The following C20orf202 variants were observed in gnomAD, a reference collection of about 807,000 sequenced individuals.
The protein encoded by C20orf202 is chromosome 20 open reading frame 202, also known as uncharacterized protein C20orf202.
Under a neutral mutation model 5.3 loss-of-function variants are expected in C20orf202, and 5 were observed. The ratio of observed to expected loss-of-function variants is 0.94; its 90% CI spans 0.49 to 1.98. C20orf202 has a LOEUF of 1.98. Ranked by LOEUF, C20orf202 falls within the 30% of genes most tolerant of loss-of-function variation. The pLI is 0.01. For synonymous variants in C20orf202, 48 were observed against 50.0 expected (o/e 0.96, Z 0.16); for missense variants, 135 against 123.5 (o/e 1.09, Z -0.44).
Position 1,203,515 on chromosome 20 carries a change from G to A in C20orf202, c.-71G>A, listed in dbSNP as rs1353579070. 8 of 1,546,068 alleles carry A rather than the reference G, an allele frequency of 5.2e-6. No individual in the cohort carries two copies. In the South Asian group the frequency reaches 6.0e-5, roughly 12 times the overall value. On this transcript the variant is annotated 5_prime_UTR_variant, in exon 1 of 2. Transcript: ENST00000400633. ...TGCTGCCAGTCTGAAAGAGTTGGGG[G>A]AATGTACAAGTCAAAGATCCCTCGG...
At chr20:1,204,909 G>A (rs889038372) in intron 1 of C20orf202, among the ~76,000 whole-genome samples, 2 of 152,266 alleles carry the variant, frequency 1.3e-5, no homozygotes, top group Admixed American at 6.5e-5. Context: ...CACCACCTCC[G>A]TGCTGGGAAC....
At chr20:1,205,977 C>G (rs1380569893) in intron 1 of C20orf202, among the ~76,000 whole-genome samples, 2 of 151,804 alleles carry the variant, frequency 1.3e-5, no homozygotes, top group South Asian at 2.1e-4. Flanking sequence ...CAGTTGAACC[C>G]AGGAGCTCGA....
intron 1 of C20orf202, 138 bp downstream of exon 1, chr20:1,203,789 C>T (rs2087120637): frequency 1.1e-6 from 1 of 944,934 alleles, no homozygotes; most frequent in Admixed American, 3.1e-5. Flanking sequence ...CTGGGACCTA[C>T]CACACAATGC....
chr20:1,204,886 C>G lies in C20orf202; in HGVS notation c.66+1235C>G, dbSNP rs142508682. Among the ~76,000 whole-genome samples the G allele has an allele frequency of 3.5e-3, 534 of 152,324 alleles. 2 individuals are homozygous for G. The highest frequency in any genetic ancestry group is 0.01 in the African/African-American group (428 of 41,572). ...TTATGCTCCCTGAAACTGTGGGTGC[C>G]TGGATGCCTCATCACCACCTCCGTG... is the stretch of plus-strand genomic sequence containing the variant. On this transcript the variant is annotated intron_variant, in intron 1 of 1. Transcript: ENST00000400633.
intron 1 of C20orf202, among the ~76,000 whole-genome samples, chr20:1,204,523 T>C (rs2087123815): frequency 6.6e-6 from 1 of 152,210 alleles, no homozygotes; most frequent in Admixed American, 6.5e-5. Flanking sequence ...AAGCCAGGCT[T>C]ATGCCTTTCA....
Position 1,208,584 on chromosome 20 carries a change from G to T in C20orf202, c.*1482G>T, listed in dbSNP as rs1194730382. Among the ~76,000 whole-genome samples, 1 of 152,188 alleles carries T rather than the reference G, an allele frequency of 6.6e-6. No homozygotes were observed. The highest frequency in any genetic ancestry group is 1.5e-5 in the Non-Finnish European group (1 of 68,038). On this transcript the variant is annotated 3_prime_UTR_variant, in exon 2 of 2. Transcript: ENST00000400633. ...CATGGAGTTAGACTACAAGTCTAGA[G>T]GAGAGAAAAGGGGCTTGCTCCTTCT...
At chr20:1,206,339 T>A (rs1215191273) in intron 1 of C20orf202, among the ~76,000 whole-genome samples, 1 of 152,232 alleles carries the variant, frequency 6.6e-6, no homozygotes, top group Non-Finnish European at 1.5e-5. Context: ...TCTAAAATAA[T>A]AACAAATTCA....
rs2087136416 is a variant in C20orf202 at position 1,207,205 on chromosome 20, G to A, written c.*103G>A. On this transcript the variant is annotated 3_prime_UTR_variant, in exon 2 of 2. Transcript: ENST00000400633. ...GTTGGAATGGGAGTCAGAAAGCCAG[G>A]GCTCTGGGTTCATTTCTGCCCTCAT... The A allele has an allele frequency of 4.9e-6, 4 of 824,328 alleles. No homozygotes were observed. Among genetic ancestry groups the A allele is most frequent in the Non-Finnish European group, 7.3e-6 (4 of 548,518 alleles). The allele number at this position is 824,328 out of a possible 1,614,324, so 51.1% of individuals were successfully genotyped here. A position where few individuals can be genotyped will look rare whatever the true frequency, so the allele number is the denominator to read the frequency against.
Position 1,207,068 on chromosome 20 carries a change from G to A in C20orf202, c.266G>A (p.Arg89Gln), listed in dbSNP as rs546383083. ...TCAAGGGGTCTGGCCCAGCTCCTCCGAGGGGAAGACAGCAGACGAAGCTCT... is the reference window on the plus strand; with the variant it reads ...TCAAGGGGTCTGGCCCAGCTCCTCCAAGGGGAAGACAGCAGACGAAGCTCT... ...VCSRGLAQLLRGEDSRRSSLP is the reference protein window; with the variant it reads ...VCSRGLAQLLQGEDSRRSSLP Residue 89 changes from arginine (R) to glutamine (Q), a missense_variant, in exon 2 of 2, where the codon CGA becomes CAA. Physicochemically the swap from Arg to Gln is conservative, Grantham distance 43. Coordinates refer to ENST00000400633, the MANE Select transcript of C20orf202 (RefSeq NM_001394958.1). The A allele has an allele frequency of 1.4e-4, 209 of 1,526,090 alleles. No individual in the cohort carries two copies. The highest frequency in any genetic ancestry group is 1.8e-4 in the Non-Finnish European group (199 of 1,130,330). 94.5% of individuals were successfully genotyped at this position (1,526,090 alleles called of 1,614,324 possible).
At position 1,207,005 on chromosome 20, in the gene C20orf202, G is replaced by A. The variant is rs886526907; in HGVS notation, c.203G>A (p.Arg68Gln). 3.9e-6 allele frequency: 6 copies of A among 1,551,218 alleles called. No individual in the cohort carries two copies. The highest frequency in any genetic ancestry group is 4.4e-6 in the Non-Finnish European group (5 of 1,146,632). The change falls in exon 2 of 2, where the codon CGA becomes CAA. Residue 68 changes from arginine to glutamine, a missense_variant. Coordinates refer to ENST00000400633, the MANE Select transcript of C20orf202 (RefSeq NM_001394958.1). ...GGAGGGACATCCCCCATCAGAGCTC[G>A]AGCGGGCTCCGAAGGCAGGGGCTGC... ...SSGGTSPIRA[R>Q]AGSEGRGCQP... is the part of the protein sequence containing the mutation.
rs1169517764 is a variant in C20orf202 at position 1,203,604 on chromosome 20, C to A, written c.19C>A (p.Pro7Thr). The A allele has an allele frequency of 2.6e-6, 4 of 1,551,416 alleles. No homozygotes were observed. In the East Asian group the frequency reaches 7.3e-5, roughly 28 times the overall value. ...CACTGAGATGAAAATAGCAGAAGAG[C>A]CCAGCCCGAGTCTTGGGCAGACCTT... MKIAEE[P>T]SPSLGQTLEW... The change falls in exon 1 of 2, where the codon CCC becomes ACC. Residue 7 changes from proline (P) to threonine (T), a missense_variant. Pro to Thr is a conservative substitution (Grantham distance 38, BLOSUM62 -1). Coordinates refer to ENST00000400633, the MANE Select transcript of C20orf202 (RefSeq NM_001394958.1).
Position 1,206,995 on chromosome 20 carries a change from A to G in C20orf202, c.193A>G (p.Ile65Val), listed in dbSNP as rs1284293245. 1 of 1,551,568 alleles carries G rather than the reference A, an allele frequency of 6.4e-7. No individual in the cohort carries two copies. Residue 65 changes from isoleucine to valine, a missense_variant, in exon 2 of 2, where the codon ATC becomes GTC. Physicochemically the swap from Ile to Val is conservative, Grantham distance 29. Coordinates refer to ENST00000400633, the MANE Select transcript of C20orf202 (RefSeq NM_001394958.1). ...CAGGTCCAGCGGAGGGACATCCCCCATCAGAGCTCGAGCGGGCTCCGAAGG... is the reference window on the plus strand; with the variant it reads ...CAGGTCCAGCGGAGGGACATCCCCCGTCAGAGCTCGAGCGGGCTCCGAAGG... ...DARSSGGTSP[I>V]RARAGSEGRG... is the part of the protein sequence containing the mutation.
At position 1,206,887 on chromosome 20, in the gene C20orf202, G is replaced by C. The variant is rs1399091734; in HGVS notation, c.85G>C (p.Asp29His). ...CTCCTAGTCTGAGATGCAGATTCAA[G>C]ATCAGAGTCTCCTGCTCACACTGAG... The part of the protein sequence containing the change: ...RKELSEMQIQ[D>H]QSLLLTLRHL... The change falls in exon 2 of 2, where the codon GAT (aspartate) becomes CAT (histidine). Residue 29 changes from aspartate to histidine, a missense_variant. Transcript: ENST00000400633. The C allele has an allele frequency of 6.5e-7, 1 of 1,542,080 alleles. No homozygotes were observed. Among genetic ancestry groups the C allele is most frequent in the Non-Finnish European group, 8.8e-7 (1 of 1,140,042 alleles).
In C20orf202 at chr20:1,207,157, C is replaced by T; in HGVS notation, c.*55C>T. On this transcript the variant is annotated 3_prime_UTR_variant, in exon 2 of 2. Coordinates refer to ENST00000400633, the MANE Select transcript of C20orf202 (RefSeq NM_001394958.1). ...CTCTCCCCATTAGTCTAACCTTTCA[C>T]TGTGATATTTCAGGGGCAGAGTGTT... 2.4e-6 allele frequency: 3 copies of T among 1,227,104 alleles called. No homozygotes were observed. The South Asian group carries it at 5.8e-5, about 24-fold the overall frequency. 76.0% of individuals were successfully genotyped at this position (1,227,104 alleles called of 1,614,324 possible).
rs1041559359 is a variant in C20orf202 at position 1,208,627 on chromosome 20, C to T, written c.*1525C>T. On this transcript the variant is annotated 3_prime_UTR_variant, in exon 2 of 2. Transcript: ENST00000400633. ...CTCCTTCTTCTTGTTTCCCTGTGGG[C>T]TTCCTGTTCCTATGAGCATCTCCCA... Among the ~76,000 whole-genome samples the T allele has an allele frequency of 2.6e-5, 4 of 152,192 alleles. No individual in the cohort carries two copies. The highest frequency in any genetic ancestry group is 2.6e-4 in the Admixed American group (4 of 15,272).
chr20:1,206,333 AAAT>A (rs1273216305), intron 1 of C20orf202, among the ~76,000 whole-genome samples: 3 of 152,358 alleles, frequency 2.0e-5, no homozygotes, highest in South Asian at 2.1e-4. Flanking sequence ...ATGCATTCTA[AAAT>A]AATAACAAAT....
rs79380554 is a variant in C20orf202, at chr20:1,206,942, G to T, written c.140G>T (p.Arg47Leu). ...RHLHSVLEEL[R>L]ADSAHWEDAR... ...CTTCACAGTGTCCTGGAGGAGCTGC[G>T]TGCGGACAGCGCCCACTGGGAGGAC... The change falls in exon 2 of 2, where the codon CGT becomes CTT. Residue 47 changes from arginine (R) to leucine (L), a missense_variant. Transcript: ENST00000400633. 2 of 1,551,640 alleles carry T rather than the reference G, an allele frequency of 1.3e-6. No individual in the cohort carries two copies. Among genetic ancestry groups the T allele is most frequent in the South Asian group, 1.2e-5 (1 of 84,044 alleles).
rs1600203230 is a variant in C20orf202, at chr20:1,207,021, C to A, written c.219C>A (p.Gly73=). 11 of 1,550,126 alleles carry A rather than the reference C, an allele frequency of 7.1e-6. No individual in the cohort carries two copies. In the East Asian group the frequency reaches 2.7e-4, roughly 38 times the overall value. The change falls in exon 2 of 2, where the codon GGC becomes GGA. Residue 73 remains glycine (G), a synonymous_variant. Transcript: ENST00000400633. ...TCAGAGCTCGAGCGGGCTCCGAAGG[C>A]AGGGGCTGCCAGCCGGTTTGCTCAA... The part of the protein sequence containing the change: ...SPIRARAGSE[G]RGCQPVCSRG...
At position 1,203,535 on chromosome 20, in the gene C20orf202, C is replaced by T. The variant is rs773168827; in HGVS notation, c.-51C>T. On this transcript the variant is annotated 5_prime_UTR_variant, in exon 1 of 2. Transcript: ENST00000400633. ...TGGGGGAATGTACAAGTCAAAGATC[C>T]CTCGGGCCCAGAACCAGGTCAGTGT... 3 of 1,549,334 alleles carry T rather than the reference C, an allele frequency of 1.9e-6. No homozygotes were observed. The African/African-American group carries it at 4.1e-5, about 21-fold the overall frequency.
Sources: gnomAD v4.1 joint callset for allele counts (sites outside exome capture counted in the v4.1 genomes callset) on GRCh38, gnomAD v4.1.1 for gene constraint, MANE v1.5 for transcripts, NCBI Gene and HGNC (gene_info 2026-07-23, HGNC 2026-07-21) for gene names.